Variants in PCDHGA6 observed in about 807,000 individuals in gnomAD.
PCDHGA6 encodes protocadherin gamma subfamily A, 6, also known as protocadherin gamma-A6.
Under a neutral mutation model 60.6 loss-of-function variants are expected in PCDHGA6, and 41 were observed. The observed-to-expected ratio is 0.68, with a 90% CI of 0.53 to 0.88. PCDHGA6 has a LOEUF of 0.88. Among genes scored for constraint, PCDHGA6 ranks in the 40% least tolerant of loss-of-function variants. The probability of loss-of-function intolerance (pLI) is 0.00; values close to 1 mark genes in which losing one functional copy is unlikely to be tolerated. For missense variants in PCDHGA6, 1,312 were observed against 1,203.0 expected, an observed-to-expected ratio of 1.09 and a Z score of -1.34; for synonymous variants, 594 against 524.4, an observed-to-expected ratio of 1.13 and a Z score of -1.81.
intron 1 of PCDHGA6, chr5:141,408,115 C>A (rs2095044760): frequency 9.6e-6 from 14 of 1,461,430 alleles, no homozygotes; most frequent in South Asian, 2.9e-5. Flanking sequence ...GGGACTCCTC[C>A]TGTCCTGGGC....
In PCDHGA6 at chr5:141,374,100, G is replaced by A. The variant is rs767728339; in HGVS notation, c.17G>A (p.Arg6Lys). ...AAGCCAGTAATGGCGCCTCCGCAGA[G>A]GCATCCGCAGCGCAGCGAGCAGGTC... MAPPQ[R>K]HPQRSEQVLL... The change falls in exon 1 of 4, where the codon AGG (arginine) becomes AAG (lysine). Residue 6 changes from arginine to lysine, a missense_variant. By Grantham distance (26) the Arg-to-Lys change is conservative. Coordinates refer to ENST00000517434, the MANE Select transcript of PCDHGA6 (RefSeq NM_018919.3). 5.1e-6 allele frequency: 8 copies of A among 1,564,992 alleles called. No individual in the cohort carries two copies. The highest frequency in any genetic ancestry group is 6.1e-6 in the Non-Finnish European group (7 of 1,153,928).
rs549866784 is a variant in PCDHGA6, at chr5:141,437,490, A to G, written c.2425-57317A>G. ...TTTTATAGCATATTTAATCTCGTAGATCACTTTTCAATGAATTATAAGGCT... is the reference window on the plus strand; with the variant it reads ...TTTTATAGCATATTTAATCTCGTAGGTCACTTTTCAATGAATTATAAGGCT... On this transcript the variant is annotated intron_variant, in intron 1 of 3. Coordinates refer to ENST00000517434, the MANE Select transcript of PCDHGA6 (RefSeq NM_018919.3). 2.0e-5 allele frequency among the ~76,000 whole-genome samples: 3 copies of G among 152,308 alleles called. No homozygotes were observed. In the East Asian group the frequency reaches 5.8e-4, roughly 29 times the overall value.
chr5:141,389,930 C>T (rs1255366269), intron 1 of PCDHGA6: 1 of 1,614,064 alleles, frequency 6.2e-7, no homozygotes. Context: ...CCTCTGACCT[C>T]CAGGCTGAGC....
chr5:141,491,247 G>A lies in PCDHGA6; in HGVS notation c.2425-3560G>A, dbSNP rs1356752106. ...CAGTGCTGCTGGTTCTGGAGGATGA[G>A]GACCCTGAGGAAATGCCCAAATCCA... On this transcript the variant is annotated intron_variant, in intron 1 of 3. Coordinates refer to ENST00000517434, the MANE Select transcript of PCDHGA6 (RefSeq NM_018919.3). The surrounding 1 kb of genome is among the most constrained non-coding windows in gnomAD (Gnocchi z 6.9). The A allele has an allele frequency of 3.2e-5, 51 of 1,614,192 alleles. No individual in the cohort carries two copies. The highest frequency in any genetic ancestry group is 4.3e-5 in the Non-Finnish European group (51 of 1,180,018).
At chr5:141,433,111 C>T (rs2097569323) in intron 1 of PCDHGA6, 1 of 1,613,966 alleles carries the variant, frequency 6.2e-7, no homozygotes, top group African/African-American at 1.3e-5. Context: ...GCCAGGAGAG[C>T]TTTGAAAAAA....
intron 1 of PCDHGA6, among the ~76,000 whole-genome samples, chr5:141,433,790 T>A (rs1052636810): frequency 2.0e-5 from 3 of 151,564 alleles, no homozygotes; most frequent in South Asian, 4.2e-4. Flanking sequence ...TGAGCTGAGA[T>A]TGTGCCATTG....
intron 1 of PCDHGA6, chr5:141,409,843 C>G: frequency 6.2e-7 from 1 of 1,611,804 alleles, no homozygotes; most frequent in Non-Finnish European, 8.5e-7. Context: ...CCAACGTGAG[C>G]CTGCGCGTGT....
Position 141,511,178 on chromosome 5 carries a change from G to A in PCDHGA6, c.*5G>A. The A allele has an allele frequency of 6.2e-7, 1 of 1,614,090 alleles. No homozygotes were observed. Among genetic ancestry groups the A allele is most frequent in the South Asian group, 1.1e-5 (1 of 91,074 alleles). On this transcript the variant is annotated 3_prime_UTR_variant, in exon 4 of 4. Coordinates refer to ENST00000517434, the MANE Select transcript of PCDHGA6 (RefSeq NM_018919.3). ...GGCAAGAAGGAGAAGAAGTAACATG[G>A]AGGCCAGGCCAAGAGCCACAGGGCG...
Position 141,432,608 on chromosome 5 carries a change from T to G in PCDHGA6, c.2424+56101T>G. ...GCTCAAGGCCAGCGAGCCGGGACTC[T>G]TCTCGGTGGGTCTGCACACGGGCGA... On this transcript the variant is annotated intron_variant, in intron 1 of 3. Transcript: ENST00000517434. This position sits in a 1 kb window ranked among gnomAD's most constrained non-coding sequence, Gnocchi z 6.0. The G allele has an allele frequency of 6.2e-7, 1 of 1,613,864 alleles. No individual in the cohort carries two copies. The highest frequency in any genetic ancestry group is 8.5e-7 in the Non-Finnish European group (1 of 1,179,964).
At chr5:141,471,046 C>CTTT (rs1170588345) in intron 1 of PCDHGA6, among the ~76,000 whole-genome samples, 3 of 113,252 alleles carry the variant, frequency 2.6e-5, no homozygotes, top group Non-Finnish European at 5.4e-5. Context: ...CCCAAGCCCT[C>CTTT]TTTTTTTTTT....
At chr5:141,478,165 C>T (rs780594020) in intron 1 of PCDHGA6, 18 of 1,613,920 alleles carry the variant, frequency 1.1e-5, no homozygotes, top group Non-Finnish European at 1.5e-5. Context: ...GCTCTGCCCC[C>T]CGGGAGCAGA....
chr5:141,394,619 C>T, intron 1 of PCDHGA6: 1 of 1,613,528 alleles, frequency 6.2e-7, no homozygotes, highest in Non-Finnish European at 8.5e-7. Flanking sequence ...GCCAGAACGC[C>T]TGGCTGTCCT....
At position 141,415,600 on chromosome 5, in the gene PCDHGA6, C is replaced by G. The variant is rs778987183; in HGVS notation, c.2424+39093C>G. ...TTCGAAGTTTCCTATAGAGGATACC[C>G]CATTGGTTCCAGTGAGTTTTATTTT... On this transcript the variant is annotated intron_variant, in intron 1 of 3. Coordinates refer to ENST00000517434, the MANE Select transcript of PCDHGA6 (RefSeq NM_018919.3). 24 of 1,613,588 alleles carry G rather than the reference C, an allele frequency of 1.5e-5. No individual in the cohort carries two copies. In the Middle Eastern group the frequency reaches 1.2e-3, roughly 77 times the overall value.
intron 1 of PCDHGA6, chr5:141,391,083 G>C (rs974357992): frequency 1.3e-5 from 2 of 152,152 alleles, no homozygotes; most frequent in Non-Finnish European, 2.9e-5. Flanking sequence ...ATGTGTAACT[G>C]CCTTATCTGC....
chr5:141,394,808 T>G lies in PCDHGA6; in HGVS notation c.2424+18301T>G, dbSNP rs534137630. The G allele has an allele frequency of 9.9e-6, 16 of 1,613,872 alleles. No individual in the cohort carries two copies. The East Asian group carries it at 3.6e-4, about 36-fold the overall frequency. On this transcript the variant is annotated intron_variant, in intron 1 of 3. Coordinates refer to ENST00000517434, the MANE Select transcript of PCDHGA6 (RefSeq NM_018919.3). ...CTGTCACGCTCACCGTAGCCGTGGC[T>G]GACAGCATCCCCGAAGTCCTGACCG...
At chr5:141,438,741 A>T (rs1184994731) in intron 1 of PCDHGA6, among the ~76,000 whole-genome samples, 3 of 148,914 alleles carry the variant, frequency 2.0e-5, no homozygotes, top group South Asian at 2.1e-4. Context: ...AGCTCACTGC[A>T]ACCTCTGCCT....
At chr5:141,414,394 A>G in intron 1 of PCDHGA6, 1 of 1,613,930 alleles carries the variant, frequency 6.2e-7, no homozygotes, top group Non-Finnish European at 8.5e-7. Flanking sequence ...CAGTTATTAC[A>G]GATTGGTGAT....
chr5:141,395,459 T>C (rs2093235244), intron 1 of PCDHGA6: 1 of 602,046 alleles, frequency 1.7e-6, no homozygotes, highest in African/African-American at 1.9e-5. Context: ...TCAACCATTT[T>C]AAGCCTTCCA....
rs70988800 is a variant in PCDHGA6, at chr5:141,379,889, C to CTTTTTTTTTTTT, written c.2424+3401_2424+3412dup. Reference sequence around the variant, plus strand: ...CTTATTTTATGGTCTGTGAAAGCCTCTTTTTTTTTTTTTTTTTTTTTTTTT... The same window carrying CTTTTTTTTTTTT: ...CTTATTTTATGGTCTGTGAAAGCCTCTTTTTTTTTTTTTTTTTTTTTTTTTTTTTTTTTTTTT... On this transcript the variant is annotated intron_variant, in intron 1 of 3. Transcript: ENST00000517434. Among the ~76,000 whole-genome samples, 158 of 50,832 alleles carry CTTTTTTTTTTTT rather than the reference C, an allele frequency of 3.1e-3. 25 individuals are homozygous for CTTTTTTTTTTTT. The highest frequency in any genetic ancestry group is 4.7e-3 in the African/African-American group (71 of 15,080). 33.3% of individuals were successfully genotyped at this position (50,832 alleles called of 152,430 possible). A position where few individuals can be genotyped will look rare whatever the true frequency, so the allele number is the denominator to read the frequency against.
Sources: allele counts gnomAD v4.1 joint callset (sites outside exome capture counted in the v4.1 genomes callset), GRCh38; gene constraint gnomAD v4.1.1; non-coding constraint Gnocchi (gnomAD v3.1); transcripts MANE v1.5; gene names NCBI Gene and HGNC (gene_info 2026-07-23, HGNC 2026-07-21).